PCDHA1: variants seen among roughly 807,000 people sequenced by gnomAD.
PCDHA1 encodes protocadherin alpha 1, also known as protocadherin alpha-1.
In PCDHA1, 42 loss-of-function variants were observed where a neutral mutation model predicts 61.3. The observed-to-expected ratio is 0.69, with a 90% CI of 0.54 to 0.89. The LOEUF is 0.89. PCDHA1 is among the 40% of genes least tolerant of loss of function. PCDHA1 has a pLI of 0.00. For missense variants in PCDHA1, 1,256 were observed against 1,235.3 expected (o/e 1.02, Z -0.25); for synonymous variants, 610 against 553.8 (o/e 1.10, Z -1.43).
At chr5:140,837,881 G>T (rs1360398902) in intron 1 of PCDHA1, among the ~76,000 whole-genome samples, 2 of 151,490 alleles carry the variant, frequency 1.3e-5, no homozygotes, top group Admixed American at 6.6e-5. Flanking sequence ...GTGGAGTCTT[G>T]TTTCCCAGGC....
intron 2 of PCDHA1, among the ~76,000 whole-genome samples, chr5:140,979,370 G>A (rs1247964519): frequency 6.6e-6 from 1 of 150,650 alleles, no homozygotes; most frequent in Non-Finnish European, 1.5e-5. Context: ...TGAGACTTGG[G>A]TACATTGTGC....
At chr5:140,882,755 G>T in intron 1 of PCDHA1, 1 of 1,614,230 alleles carries the variant, frequency 6.2e-7, no homozygotes, top group Non-Finnish European at 8.5e-7. Flanking sequence ...TGCAGATATT[G>T]GAGTAAACTC....
intron 1 of PCDHA1, chr5:140,857,400 C>A: frequency 6.3e-7 from 1 of 1,598,488 alleles, no homozygotes; most frequent in Non-Finnish European, 8.6e-7. Flanking sequence ...AACGACAACG[C>A]GCCTGCGTTC....
intron 1 of PCDHA1, among the ~76,000 whole-genome samples, chr5:140,955,521 TC>T (rs2095199105): frequency 6.6e-6 from 1 of 152,142 alleles, no homozygotes; most frequent in Non-Finnish European, 1.5e-5. Context: ...TGCTTTCCCT[TC>T]CACCATGATT....
rs561529051 is a variant in PCDHA1 at position 140,929,034 on chromosome 5, C to G, written c.2395-49915C>G. On this transcript the variant is annotated intron_variant, in intron 1 of 3. Transcript: ENST00000504120. ...AGTTGCACCAGAGCCCAGGCTGTTGCGCTCAGAGCTGCTGTCGCTCTACAG... is the reference window on the plus strand; with the variant it reads ...AGTTGCACCAGAGCCCAGGCTGTTGGGCTCAGAGCTGCTGTCGCTCTACAG... 2.8e-5 allele frequency: 46 copies of G among 1,614,040 alleles called. No homozygotes were observed. The South Asian group carries it at 4.8e-4, about 17-fold the overall frequency.
chr5:140,790,358 GT>G lies in PCDHA1; in HGVS notation c.2394+1677del, dbSNP rs542905412. 3.0e-3 allele frequency among the ~76,000 whole-genome samples: 456 copies of G among 152,204 alleles called. 2 individuals carry two copies. Among genetic ancestry groups the G allele is most frequent in the Non-Finnish European group, 4.9e-3 (332 of 68,002 alleles). On this transcript the variant is annotated intron_variant, in intron 1 of 3. Coordinates refer to ENST00000504120, the MANE Select transcript of PCDHA1 (RefSeq NM_018900.4). ...TTAAATATTAAATGAATATATTTTT[GT>G]TTGTCAAACTTTCAAACATACATGA... is the stretch of plus-strand genomic sequence containing the variant.
chr5:140,788,147 C>T lies in PCDHA1; in HGVS notation c.1857C>T (p.Arg619=), dbSNP rs1761440706. The change falls in exon 1 of 4, where the codon CGC becomes CGT. Residue 619 remains arginine, a synonymous_variant. Coordinates refer to ENST00000504120, the MANE Select transcript of PCDHA1 (RefSeq NM_018900.4). ...TGCAGCCGGCAGCAGGCGGCGCGCG[C>T]ATCCCGTTCCGCGTGGGGCTGTACA... ...YELQPAAGGA[R]IPFRVGLYTG... The T allele has an allele frequency of 1.2e-6, 2 of 1,613,900 alleles. No individual in the cohort carries two copies. Among genetic ancestry groups the T allele is most frequent in the Admixed American group, 1.7e-5 (1 of 60,002 alleles).
chr5:140,799,278 C>T (rs1762410245), intron 1 of PCDHA1, among the ~76,000 whole-genome samples: 1 of 152,024 alleles, frequency 6.6e-6, no homozygotes, highest in Non-Finnish European at 1.5e-5. Flanking sequence ...TATAAATTCT[C>T]ATGTGACATT....
At chr5:140,831,756 AT>A (rs1554133366) in intron 1 of PCDHA1, among the ~76,000 whole-genome samples, 1 of 152,022 alleles carries the variant, frequency 6.6e-6, no homozygotes, top group Non-Finnish European at 1.5e-5. Context: ...ATCGCTACCA[AT>A]TTTGTTTTGT....
intron 1 of PCDHA1, chr5:140,870,262 T>C (rs2051814541): frequency 6.2e-7 from 1 of 1,614,182 alleles, no homozygotes; most frequent in Non-Finnish European, 8.5e-7. Context: ...GGTGACCTGC[T>C]CGCTGACGCC....
At chr5:140,854,020 G>A (rs1303462522) in intron 1 of PCDHA1, 3 of 327,902 alleles carry the variant, frequency 9.1e-6, no homozygotes, top group East Asian at 1.7e-4. Context: ...AAATTAGCCG[G>A]GCATGGTGGC....
chr5:140,979,898 G>A (rs1253481087), intron 2 of PCDHA1, among the ~76,000 whole-genome samples: 2 of 152,212 alleles, frequency 1.3e-5, no homozygotes, highest in Non-Finnish European at 1.5e-5. Context: ...ACCAAACTTA[G>A]ATCAGTTCGT....
At chr5:140,883,280 G>T (rs2059527753) in intron 1 of PCDHA1, 1 of 1,613,990 alleles carries the variant, frequency 6.2e-7, no homozygotes, top group Non-Finnish European at 8.5e-7. Flanking sequence ...TACCCTTTTG[G>T]TGGAAGTACT....
intron 1 of PCDHA1, chr5:140,870,382 C>G (rs782627889): frequency 7.4e-6 from 12 of 1,614,062 alleles, no homozygotes; most frequent in Non-Finnish European, 1.0e-5. Context: ...GGTGACTGCG[C>G]GGGATGGGGG....
intron 1 of PCDHA1, among the ~76,000 whole-genome samples, chr5:140,907,480 C>A (rs1300090409): frequency 6.6e-6 from 1 of 152,212 alleles, no homozygotes; most frequent in Admixed American, 6.5e-5. Flanking sequence ...GCAGGATAGG[C>A]AAACCCATAT....
chr5:140,865,075 C>T (rs1441744566), intron 1 of PCDHA1: 2 of 152,110 alleles, frequency 1.3e-5, no homozygotes, highest in African/African-American at 4.8e-5. Flanking sequence ...AGTATAAGAA[C>T]CATGGGATAT....
intron 1 of PCDHA1, chr5:140,809,012 T>G: frequency 6.2e-7 from 1 of 1,613,674 alleles, no homozygotes; most frequent in Non-Finnish European, 8.5e-7. Flanking sequence ...GTGGCTTTCG[T>G]ACGAGCTGCA....
intron 1 of PCDHA1, among the ~76,000 whole-genome samples, chr5:140,846,139 A>G (rs1196969415): frequency 6.7e-6 from 1 of 149,708 alleles, no homozygotes; most frequent in Non-Finnish European, 1.5e-5. Flanking sequence ...TGTTTCCCAT[A>G]TTTAAAAGTT....
chr5:140,990,671 C>T (rs2097406151), intron 3 of PCDHA1, among the ~76,000 whole-genome samples: 2 of 152,176 alleles, frequency 1.3e-5, no homozygotes, highest in South Asian at 4.1e-4. Flanking sequence ...ATTAGATGCA[C>T]ACCAAGCTGC....
Sources: allele counts gnomAD v4.1 joint callset (sites outside exome capture counted in the v4.1 genomes callset), GRCh38; gene constraint gnomAD v4.1.1; transcripts MANE v1.5; gene names NCBI Gene and HGNC (gene_info 2026-07-23, HGNC 2026-07-21).